LNPK: variants seen among roughly 807,000 people sequenced by gnomAD.
LNPK encodes the protein endoplasmic reticulum junction formation protein lunapark.
In LNPK, 29 loss-of-function variants were observed where a neutral mutation model predicts 55.2. That is an observed-to-expected ratio of 0.53 (90% CI 0.39 to 0.72). The LOEUF is 0.72. LNPK is among the 30% of genes least tolerant of loss of function. The pLI is 0.00. For missense variants in LNPK, 467 were observed against 494.8 expected (o/e 0.94, Z 0.53); for synonymous variants, 162 against 168.2 (o/e 0.96, Z 0.29).
At chr2:175,936,323 T>C (rs1684544692) in intron 12 of LNPK, among the ~76,000 whole-genome samples, 1 of 152,160 alleles carries the variant, frequency 6.6e-6, no homozygotes, top group African/African-American at 2.4e-5. Context: ...AAAATATCGA[T>C]ACTCAAATCC....
At chr2:175,972,131 G>T (rs1686691100) in intron 5 of LNPK, among the ~76,000 whole-genome samples, 1 of 152,066 alleles carries the variant, frequency 6.6e-6, no homozygotes, top group South Asian at 2.1e-4. Context: ...GGCCAGGATG[G>T]TCTTGAACTC....
intron 5 of LNPK, among the ~76,000 whole-genome samples, chr2:175,971,557 T>G (rs1686663875): frequency 6.6e-6 from 1 of 152,124 alleles, no homozygotes; most frequent in South Asian, 2.1e-4. Flanking sequence ...TAACTGTTCT[T>G]AATACTTAAT....
chr2:175,932,622 GA>G (rs1447183472), intron 12 of LNPK, among the ~76,000 whole-genome samples: 1 of 152,152 alleles, frequency 6.6e-6, no homozygotes, highest in Non-Finnish European at 1.5e-5. Context: ...GATAGGTATT[GA>G]TGTTTGGATG....
At chr2:175,965,039 C>T (rs762583198) in intron 6 of LNPK, among the ~76,000 whole-genome samples, 4 of 152,148 alleles carry the variant, frequency 2.6e-5, no homozygotes, top group Non-Finnish European at 5.9e-5. Context: ...CTGTCAGCAT[C>T]GATTTTAGAT....
At chr2:175,988,386 C>T (rs957933925) in intron 4 of LNPK, among the ~76,000 whole-genome samples, 4 of 151,424 alleles carry the variant, frequency 2.6e-5, no homozygotes, top group Non-Finnish European at 4.4e-5. Flanking sequence ...GTGGTGAATG[C>T]GTATAATCCC....
chr2:175,929,757 A>C lies in LNPK; in HGVS notation c.*210T>G. ...CAATAGTGTGGGTCTTTGTACATTC[A>C]AAAGGATCTTACTTCACTGATATAA... is the stretch of plus-strand genomic sequence containing the variant. On this transcript the variant is annotated 3_prime_UTR_variant, in exon 13 of 13. Transcript: ENST00000272748. The C allele has an allele frequency of 2.1e-6, 3 of 1,402,940 alleles. No individual in the cohort carries two copies. Among genetic ancestry groups the C allele is most frequent in the Non-Finnish European group, 2.8e-6 (3 of 1,083,168 alleles). The allele number at this position is 1,402,940 out of a possible 1,614,324, so 86.9% of individuals were successfully genotyped here.
At chr2:175,988,813 G>C (rs754700965) in intron 4 of LNPK, among the ~76,000 whole-genome samples, 1 of 151,996 alleles carries the variant, frequency 6.6e-6, no homozygotes, top group African/African-American at 2.4e-5. Context: ...TGAGTCTGTC[G>C]CCCAGGCTGG....
At position 175,979,835 on chromosome 2, in the gene LNPK, G is replaced by T. The variant is rs760935143; in HGVS notation, c.291C>A (p.Phe97Leu). 1.9e-6 allele frequency: 3 copies of T among 1,580,810 alleles called. No individual in the cohort carries two copies. The highest frequency in any genetic ancestry group is 2.6e-6 in the Non-Finnish European group (3 of 1,165,680). The change falls in exon 5 of 13, where the codon TTC (phenylalanine) becomes TTA (leucine). Residue 97 changes from phenylalanine to leucine, a missense_variant. By Grantham distance (22) the Phe-to-Leu change is conservative. Coordinates refer to ENST00000272748, the MANE Select transcript of LNPK (RefSeq NM_030650.3). ...TATTTCTTTCTGTTCTCTTGGAAAA[G>T]AAGAAAATAATTACTGTTCTTATGC... ...IWSIRTVIIF[F>L]FSKRTERNNE...
chr2:175,970,699 TA>T, intron 6 of LNPK, 64 bp downstream of exon 6: 1 of 901,076 alleles, frequency 1.1e-6, no homozygotes, highest in Non-Finnish European at 1.5e-6. Flanking sequence ...TTCCAACACA[TA>T]AACATTAATT....
intron 4 of LNPK, among the ~76,000 whole-genome samples, chr2:175,990,624 C>A (rs1182330722): frequency 6.6e-6 from 1 of 152,136 alleles, no homozygotes; most frequent in African/African-American, 2.4e-5. Context: ...AAGAAAATGT[C>A]CTGTGTTAAG....
intron 8 of LNPK, among the ~76,000 whole-genome samples, chr2:175,959,905 T>TA (rs1685918842): frequency 6.7e-6 from 1 of 149,298 alleles, no homozygotes; most frequent in East Asian, 1.9e-4. Flanking sequence ...AAGCAGGGGT[T>TA]ACAATTCTAG....
intron 8 of LNPK, among the ~76,000 whole-genome samples, chr2:175,959,601 A>G (rs1685899606): frequency 6.6e-6 from 1 of 152,238 alleles, no homozygotes; most frequent in Non-Finnish European, 1.5e-5. Flanking sequence ...CAGCCACTGC[A>G]AAAACATGCC....
At position 175,926,588 on chromosome 2, in the gene LNPK, A is replaced by C. The variant is rs975681482; in HGVS notation, c.*3379T>G. The C allele has an allele frequency of 2.6e-5, 4 of 152,258 alleles. No homozygotes were observed. The highest frequency in any genetic ancestry group is 4.8e-5 in the African/African-American group (2 of 41,468). The allele number at this position is 152,258 out of a possible 1,614,324, so 9.4% of individuals were successfully genotyped here. ...TCTCTACAACTCAGCTTTCTCTTCT[A>C]GTAGTCCAAAGATAAAAATCTTCAC... On this transcript the variant is annotated 3_prime_UTR_variant, in exon 13 of 13. Coordinates refer to ENST00000272748, the MANE Select transcript of LNPK (RefSeq NM_030650.3).
At chr2:175,933,506 C>A (rs915858422) in intron 12 of LNPK, among the ~76,000 whole-genome samples, 1 of 152,104 alleles carries the variant, frequency 6.6e-6, no homozygotes, top group Non-Finnish European at 1.5e-5. Flanking sequence ...CTTTAACTCA[C>A]AAGTTTTAAA....
intron 11 of LNPK, 120 bp downstream of exon 11, chr2:175,938,193 T>C (rs1160616119): frequency 1.3e-5 from 8 of 610,968 alleles, no homozygotes; most frequent in Non-Finnish European, 2.3e-5. Flanking sequence ...ATAAGGATAA[T>C]ATGCCTAACC....
At chr2:175,971,069 AC>A (rs1424458350) in intron 5 of LNPK, among the ~76,000 whole-genome samples, 1 of 152,016 alleles carries the variant, frequency 6.6e-6, no homozygotes, top group Non-Finnish European at 1.5e-5. Context: ...ATATACAAAT[AC>A]TTTTTAATGT....
intron 5 of LNPK, among the ~76,000 whole-genome samples, chr2:175,977,759 C>A (rs1447586): frequency 1.3e-5 from 2 of 151,628 alleles, no homozygotes; most frequent in East Asian, 3.9e-4. Flanking sequence ...ATAACAACTA[C>A]AAATAATTTT....
intron 1 of LNPK, among the ~76,000 whole-genome samples, chr2:175,998,463 A>G (rs1688038011): frequency 6.6e-6 from 1 of 151,248 alleles, no homozygotes; most frequent in African/African-American, 2.4e-5. Flanking sequence ...AAAAAAAAGA[A>G]GAAAAGAAAA....
At chr2:175,974,152 C>A (rs150233461) in intron 5 of LNPK, among the ~76,000 whole-genome samples, 4,881 of 152,230 alleles carry the variant, frequency 0.032, 124 homozygotes, top group Non-Finnish European at 0.054. Context: ...ATATTGTACT[C>A]TTTTAGCACA....
Sources: gnomAD v4.1 joint callset for allele counts (sites outside exome capture counted in the v4.1 genomes callset) on GRCh38, gnomAD v4.1.1 for gene constraint, MANE v1.5 for transcripts, NCBI Gene and HGNC (gene_info 2026-07-23, HGNC 2026-07-21) for gene names.